KIAA0753: variants seen among roughly 807,000 people sequenced by gnomAD.
KIAA0753 encodes the protein protein moonraker.
In KIAA0753, 114 loss-of-function variants were observed where a neutral mutation model predicts 116.9. The ratio of observed to expected loss-of-function variants is 0.98; its 90% CI spans 0.84 to 1.14. The LOEUF (loss-of-function observed/expected upper bound fraction) is 1.14, where lower values mean the gene tolerates loss of function less well. Ranked by LOEUF, KIAA0753 falls within the 50% of genes most tolerant of loss-of-function variation. The pLI, the probability that KIAA0753 is intolerant of heterozygous loss-of-function variation, is 0.00. For missense variants in KIAA0753, 1,156 were observed against 1,172.4 expected, an observed-to-expected ratio of 0.99 and a Z score of 0.20; for synonymous variants, 405 against 413.1, an observed-to-expected ratio of 0.98 and a Z score of 0.24.
intron 7 of KIAA0753, among the ~76,000 whole-genome samples, chr17:6,617,589 C>G: frequency 6.6e-6 from 1 of 152,168 alleles, no homozygotes; most frequent in East Asian, 1.9e-4. Context: ...TGACACAGAG[C>G]TCTTATCCCT....
intron 17 of KIAA0753, 126 bp from the exon 18 acceptor site, chr17:6,590,129 AC>A: frequency 1.3e-6 from 1 of 789,342 alleles, no homozygotes; most frequent in South Asian, 1.9e-5. Context: ...AATGAACAAA[AC>A]TGAACAACCT....
chr17:6,579,830 C>A lies in KIAA0753; in HGVS notation c.2821G>T (p.Ala941Ser), dbSNP rs1432125316. 2 of 1,613,874 alleles carry A rather than the reference C, an allele frequency of 1.2e-6. No individual in the cohort carries two copies. The highest frequency in any genetic ancestry group is 1.3e-5 in the African/African-American group (1 of 75,050). ...SEELVDEALGAVAAELQDMCE... is the reference protein window; with the variant it reads ...SEELVDEALGSVAAELQDMCE... ...ATATCCTGAAGTTCAGCAGCCACAG[C>A]ACCCAGAGCTTCATCTACCAGCTCT... The change falls in exon 19 of 19, where the codon GCT (alanine) becomes TCT (serine). Residue 941 changes from alanine to serine, a missense_variant. Coordinates refer to ENST00000361413, the MANE Select transcript of KIAA0753 (RefSeq NM_014804.3).
At chr17:6,594,828 T>C (rs1969348571) in intron 16 of KIAA0753, 144 bp downstream of exon 16, 1 of 659,056 alleles carries the variant, frequency 1.5e-6, no homozygotes, top group Non-Finnish European at 2.7e-6. Flanking sequence ...GATAAATAGG[T>C]GACAAAGCAA....
intron 7 of KIAA0753, among the ~76,000 whole-genome samples, chr17:6,619,986 T>C (rs962727348): frequency 1.3e-5 from 2 of 152,216 alleles, no homozygotes; most frequent in South Asian, 2.1e-4. Flanking sequence ...CAATTAATAA[T>C]GATTTCAGGA....
intron 7 of KIAA0753, among the ~76,000 whole-genome samples, chr17:6,615,674 C>T (rs1970875185): frequency 6.8e-6 from 1 of 147,334 alleles, no homozygotes; most frequent in Non-Finnish European, 1.5e-5. Context: ...TTATTTAACT[C>T]CCAAGCTTAT....
At chr17:6,627,078 G>C (rs1484592857) in intron 3 of KIAA0753, among the ~76,000 whole-genome samples, 1 of 152,192 alleles carries the variant, frequency 6.6e-6, no homozygotes. Context: ...AGACCTACAG[G>C]AGAAATTTCT....
intron 3 of KIAA0753, among the ~76,000 whole-genome samples, chr17:6,626,110 T>C (rs1971649878): frequency 6.6e-6 from 1 of 152,266 alleles, no homozygotes; most frequent in African/African-American, 2.4e-5. Context: ...AAGCATACCC[T>C]TGTACACACT....
chr17:6,616,759 G>T (rs771372341), intron 7 of KIAA0753, among the ~76,000 whole-genome samples: 31 of 152,186 alleles, frequency 2.0e-4, no homozygotes, highest in Non-Finnish European at 2.4e-4. Context: ...TCAGGAGGCG[G>T]GGGTTGCAGT....
intron 3 of KIAA0753, among the ~76,000 whole-genome samples, chr17:6,625,084 T>C (rs983893816): frequency 6.6e-6 from 1 of 152,228 alleles, no homozygotes; most frequent in Admixed American, 6.5e-5. Context: ...TAAAGACATT[T>C]ACTCCATCAA....
At chr17:6,619,261 A>G (rs1971138997) in intron 7 of KIAA0753, among the ~76,000 whole-genome samples, 1 of 152,106 alleles carries the variant, frequency 6.6e-6, no homozygotes, top group South Asian at 2.1e-4. Context: ...AATCTGGGGA[A>G]GATGAAGAAG....
chr17:6,603,215 G>T (rs1969987166), intron 12 of KIAA0753, among the ~76,000 whole-genome samples: 1 of 151,976 alleles, frequency 6.6e-6, no homozygotes, highest in South Asian at 2.1e-4. Context: ...AATCAAGGAA[G>T]TCCAACATCA....
intron 16 of KIAA0753, 117 bp from the exon 17 acceptor site, chr17:6,590,747 C>T (rs1221245572): frequency 9.4e-7 from 1 of 1,063,028 alleles, no homozygotes; most frequent in Non-Finnish European, 1.4e-6. Flanking sequence ...TTAAGCACGA[C>T]AGGGTTGGCT....
intron 9 of KIAA0753, among the ~76,000 whole-genome samples, chr17:6,609,244 C>T (rs1970383553): frequency 6.6e-6 from 1 of 152,250 alleles, no homozygotes; most frequent in Non-Finnish European, 1.5e-5. Context: ...CTTCTCCCTT[C>T]TCCCCTGACA....
chr17:6,591,435 C>T (rs547120355), intron 16 of KIAA0753, among the ~76,000 whole-genome samples: 2 of 152,242 alleles, frequency 1.3e-5, no homozygotes, highest in South Asian at 2.1e-4. Context: ...TTCAATTGTT[C>T]TCAGAGGGGA....
chr17:6,590,990 AAAGAAGAAGG>A (rs1172029852), intron 16 of KIAA0753, among the ~76,000 whole-genome samples: 15 of 114,340 alleles, frequency 1.3e-4, no homozygotes, highest in East Asian at 9.7e-4. Flanking sequence ...GAAGAAGAAG[AAAGAAGAAGG>A]AAGAAGAAGG....
At chr17:6,626,715 C>G (rs72835762) in intron 3 of KIAA0753, among the ~76,000 whole-genome samples, 5 of 152,090 alleles carry the variant, frequency 3.3e-5, no homozygotes, top group Admixed American at 6.5e-5. Context: ...TATATGTTTA[C>G]GTGTTTCCAT....
At chr17:6,592,706 A>G (rs1380160868) in intron 16 of KIAA0753, among the ~76,000 whole-genome samples, 3 of 152,232 alleles carry the variant, frequency 2.0e-5, no homozygotes, top group Non-Finnish European at 4.4e-5. Context: ...AACTAAAACC[A>G]TAAAGCCTAT....
intron 11 of KIAA0753, 59 bp from the exon 12 acceptor site, chr17:6,607,021 T>C (rs1970239596): frequency 1.3e-6 from 2 of 1,535,172 alleles, no homozygotes; most frequent in African/African-American, 2.7e-5. Context: ...AGGGCTCCCT[T>C]GAGCTCCAGT....
chr17:6,595,181 G>A, intron 15 of KIAA0753, 128 bp from the exon 16 acceptor site: 1 of 646,344 alleles, frequency 1.5e-6, no homozygotes, highest in East Asian at 2.8e-5. Flanking sequence ...ATGGGCACCT[G>A]TCAGGCCAGG....
Sources: allele counts gnomAD v4.1 joint callset (sites outside exome capture counted in the v4.1 genomes callset), GRCh38; gene constraint gnomAD v4.1.1; transcripts MANE v1.5; gene names NCBI Gene and HGNC (gene_info 2026-07-23, HGNC 2026-07-21).